Variants in COL27A1 observed in about 807,000 individuals in gnomAD.
COL27A1 encodes the protein collagen alpha-1(XXVII) chain.
A neutral mutation model predicts 251.3 loss-of-function variants in COL27A1; 106 were observed. The observed-to-expected ratio is 0.42, with a 90% CI of 0.36 to 0.50. The LOEUF is 0.50. Among genes scored for constraint, COL27A1 ranks in the 20% least tolerant of loss-of-function variants. COL27A1 has a pLI of 0.00. For synonymous variants in COL27A1, 1,000 were observed against 986.3 expected (o/e 1.01, Z -0.26); for missense variants, 2,325 against 2,522.8 (o/e 0.92, Z 1.68).
At position 114,179,832 on chromosome 9, in the gene COL27A1, C is replaced by CTTTTT. The variant is rs139712391; in HGVS notation, c.1962+1510_1962+1514dup. 1.0e-4 allele frequency among the ~76,000 whole-genome samples: 10 copies of CTTTTT among 100,188 alleles called. 1 individual carries two copies. Among genetic ancestry groups the CTTTTT allele is most frequent in the African/African-American group, 1.5e-4 (4 of 27,298 alleles). 65.7% of individuals were successfully genotyped at this position (100,188 alleles called of 152,430 possible). On this transcript the variant is annotated intron_variant, in intron 4 of 60. Coordinates refer to ENST00000356083, the MANE Select transcript of COL27A1 (RefSeq NM_032888.4). ...GCAGTCTGCCTCCAGAGCCTACCAT[C>CTTTTT]TTTTTTTTTTTTTTTTTTTTTTTTT...
At chr9:114,213,713 G>A (rs1564476467) in intron 12 of COL27A1, among the ~76,000 whole-genome samples, 2 of 152,146 alleles carry the variant, frequency 1.3e-5, no homozygotes, top group Non-Finnish European at 2.9e-5. Context: ...AACCACATGC[G>A]ATTCTCCCAG....
chr9:114,173,956 C>T (rs576401947), intron 3 of COL27A1, among the ~76,000 whole-genome samples: 26 of 142,764 alleles, frequency 1.8e-4, no homozygotes, highest in African/African-American at 5.0e-4. Context: ...AGCTAGACAG[C>T]GGGGGTTTGG....
At chr9:114,250,772 C>A in intron 25 of COL27A1, 104 bp downstream of exon 25, 3 of 968,850 alleles carry the variant, frequency 3.1e-6, no homozygotes, top group South Asian at 2.8e-5. Flanking sequence ...ATACCCTCCC[C>A]TAGCCTCTCT....
At chr9:114,276,999 A>G (rs1588852507) in intron 37 of COL27A1, among the ~76,000 whole-genome samples, 1 of 152,352 alleles carries the variant, frequency 6.6e-6, no homozygotes, top group African/African-American at 2.4e-5. Flanking sequence ...CAAAGCTGGA[A>G]TTTGAACTTA....
chr9:114,288,026 C>T lies in COL27A1; in HGVS notation c.3988-429C>T, dbSNP rs141933036. ...CTGCCGGGCGTCGCGCATCATTCCA[C>T]GGAGTCCTCACCACTCCTTGATGGG... On this transcript the variant is annotated intron_variant, in intron 41 of 60. Coordinates refer to ENST00000356083, the MANE Select transcript of COL27A1 (RefSeq NM_032888.4). Among the ~76,000 whole-genome samples the T allele has an allele frequency of 1.5e-3, 231 of 152,336 alleles. 2 individuals carry two copies. Among genetic ancestry groups the T allele is most frequent in the Middle Eastern group, 0.01 (3 of 294 alleles).
At chr9:114,190,841 C>G (rs1340320610) in intron 5 of COL27A1, among the ~76,000 whole-genome samples, 1 of 152,242 alleles carries the variant, frequency 6.6e-6, no homozygotes, top group African/African-American at 2.4e-5. Context: ...CGTGGTCACA[C>G]AAGCTCATTG....
chr9:114,231,948 C>T (rs1405972278), intron 16 of COL27A1, 82 bp downstream of exon 16: 9 of 1,379,026 alleles, frequency 6.5e-6, no homozygotes, highest in Middle Eastern at 1.8e-4. Flanking sequence ...GCTGATTTCT[C>T]GCCAGGTCCA....
At position 114,206,334 on chromosome 9, in the gene COL27A1, C is replaced by T. The variant is rs775691848; in HGVS notation, c.2268+38C>T. Reference sequence around the variant, plus strand: ...TGGCCAGTGCCACATGGGTGGGGTTCTAGGTGAGCATCACCTGTCCCTCCA... The same window carrying T: ...TGGCCAGTGCCACATGGGTGGGGTTTTAGGTGAGCATCACCTGTCCCTCCA... On this transcript the variant is annotated intron_variant, in intron 10 of 60. Transcript: ENST00000356083. The T allele has an allele frequency of 1.9e-5, 30 of 1,608,504 alleles. No homozygotes were observed. In the South Asian group the frequency reaches 3.2e-4, roughly 17 times the overall value.
In COL27A1 at chr9:114,233,410, T is replaced by C. The variant is rs55668252; in HGVS notation, c.2565+1544T>C. On this transcript the variant is annotated intron_variant, in intron 16 of 60. Transcript: ENST00000356083. ...CTACCTCTTCCATCTCCTCCTGTCA[T>C]GCCCAAGCCTCCAGCCACAACCCAC... 5.0e-3 allele frequency among the ~76,000 whole-genome samples: 753 copies of C among 150,826 alleles called. 6 individuals are homozygous for C. Among genetic ancestry groups the C allele is most frequent in the South Asian group, 0.022 (108 of 4,822 alleles).
chr9:114,224,806 T>C (rs983801670), intron 14 of COL27A1, among the ~76,000 whole-genome samples: 9 of 151,936 alleles, frequency 5.9e-5, no homozygotes, highest in Non-Finnish European at 1.3e-4. Flanking sequence ...GTGTGTACCA[T>C]GATGCCCAGC....
At chr9:114,298,917 C>G (rs750594770) in intron 49 of COL27A1, among the ~76,000 whole-genome samples, 3 of 151,896 alleles carry the variant, frequency 2.0e-5, no homozygotes, top group African/African-American at 4.8e-5. Flanking sequence ...TATAAAGAAC[C>G]CTTACAACTC....
intron 5 of COL27A1, among the ~76,000 whole-genome samples, chr9:114,187,667 A>G (rs1230883090): frequency 6.6e-6 from 1 of 152,098 alleles, no homozygotes; most frequent in Non-Finnish European, 1.5e-5. Context: ...GTGGCTGGGT[A>G]TCTGGCCTTC....
intron 59 of COL27A1, 54 bp from the exon 60 acceptor site, chr9:114,309,206 T>TG (rs973978356): frequency 6.6e-5 from 94 of 1,418,700 alleles, no homozygotes; most frequent in Non-Finnish European, 7.8e-5. Context: ...GAACCCTCGG[T>TG]GTGGGGGGTG....
At position 114,169,387 on chromosome 9, in the gene COL27A1, T is replaced by A; in HGVS notation, c.1832T>A (p.Ile611Asn). 1 of 1,609,246 alleles carries A rather than the reference T, an allele frequency of 6.2e-7. No individual in the cohort carries two copies. Among genetic ancestry groups the A allele is most frequent in the Non-Finnish European group, 8.5e-7 (1 of 1,178,344 alleles). ...SPRPTSSGYS[I>N]FHLAGSTPFP... ...CGGCCCACGAGCAGTGGCTATTCGATCTTCCACCTGGCAGGATCTACGCCT... is the reference window on the plus strand; with the variant it reads ...CGGCCCACGAGCAGTGGCTATTCGAACTTCCACCTGGCAGGATCTACGCCT... The change falls in exon 3 of 61, where the codon ATC becomes AAC. Residue 611 changes from isoleucine to asparagine, a missense_variant. Physicochemically the swap from Ile to Asn is moderately radical, Grantham distance 149. Coordinates refer to ENST00000356083, the MANE Select transcript of COL27A1 (RefSeq NM_032888.4).
intron 22 of COL27A1, 84 bp downstream of exon 22, chr9:114,242,315 C>A: frequency 8.1e-7 from 1 of 1,241,934 alleles, no homozygotes; most frequent in South Asian, 1.5e-5. Context: ...GGCCAGTGCT[C>A]CAGAGGGAAG....
chr9:114,204,428 C>T (rs140341282), intron 7 of COL27A1, among the ~76,000 whole-genome samples: 2,561 of 152,304 alleles, frequency 0.017, 68 homozygotes, highest in African/African-American at 0.058. Context: ...CAGCTTGGTT[C>T]TCTCGACTCA....
chr9:114,211,507 C>T (rs1161586252), intron 12 of COL27A1, among the ~76,000 whole-genome samples: 8 of 152,344 alleles, frequency 5.3e-5, no homozygotes, highest in East Asian at 1.9e-4. Flanking sequence ...CAGGCATGAC[C>T]GAAAGAGGGG....
rs1564579002 is a variant in COL27A1 at position 114,292,253 on chromosome 9, A to G, written c.4584+43A>G. 5.7e-6 allele frequency: 8 copies of G among 1,404,298 alleles called. No homozygotes were observed. The Admixed American group carries it at 7.9e-5, about 14-fold the overall frequency. 87.0% of individuals were successfully genotyped at this position (1,404,298 alleles called of 1,614,324 possible). Reference sequence around the variant, plus strand: ...AATACACATGCCCACGCACTCACACATGCACACACTCACATACACCTACAT... The same window carrying G: ...AATACACATGCCCACGCACTCACACGTGCACACACTCACATACACCTACAT... On this transcript the variant is annotated intron_variant, in intron 49 of 60. Transcript: ENST00000356083.
At chr9:114,299,379 A>G (rs1379244611) in intron 49 of COL27A1, among the ~76,000 whole-genome samples, 1 of 152,188 alleles carries the variant, frequency 6.6e-6, no homozygotes. Context: ...TTCTGCCTCC[A>G]GGGGCCCCCA....
Sources: gnomAD v4.1 joint callset for allele counts (sites outside exome capture counted in the v4.1 genomes callset) on GRCh38, gnomAD v4.1.1 for gene constraint, MANE v1.5 for transcripts, NCBI Gene and HGNC (gene_info 2026-07-23, HGNC 2026-07-21) for gene names.